Variants in CSNK2A2IP observed in about 807,000 individuals in gnomAD.
CSNK2A2IP encodes casein kinase II subunit alpha'-interacting protein.
At chr3:88,467,502 C>A in the CSNK2A2IP span, 2 of 398,340 alleles carry the variant, frequency 5.0e-6, no homozygotes, top group Admixed American at 8.8e-5. Flanking sequence ...TGAGGAACAA[C>A]AATACAGTAA....
the CSNK2A2IP span, among the ~76,000 whole-genome samples, chr3:88,438,949 C>A: frequency 6.6e-6 from 1 of 152,104 alleles, no homozygotes; most frequent in Non-Finnish European, 1.5e-5. Flanking sequence ...CCAAAGCCAT[C>A]AAATTGTCTT....
the CSNK2A2IP span, among the ~76,000 whole-genome samples, chr3:88,418,463 T>TGCGCGCGC: frequency 0.16 from 24,545 of 149,438 alleles, 2,412 homozygotes; most frequent in East Asian, 0.29. Context: ...TGTGTGTGTG[T>TGCGCGCGC]GCGCGCGGGC....
At chr3:88,428,081 C>T in the CSNK2A2IP span, among the ~76,000 whole-genome samples, 1 of 152,134 alleles carries the variant, frequency 6.6e-6, no homozygotes, top group African/African-American at 2.4e-5. Flanking sequence ...ACTGTGGGAG[C>T]CCATCTTTTG....
chr3:88,403,724 G>T, the CSNK2A2IP span, among the ~76,000 whole-genome samples: 646 of 152,258 alleles, frequency 4.2e-3, 4 homozygotes, highest in African/African-American at 0.014. Context: ...AGGTTAAGGA[G>T]CTCAGGCTTA....
chr3:88,407,649 C>G, the CSNK2A2IP span, among the ~76,000 whole-genome samples: 13 of 152,180 alleles, frequency 8.5e-5, no homozygotes, highest in Middle Eastern at 0.02. Flanking sequence ...CTTTCACAAG[C>G]AAAGCTTTAT....
the CSNK2A2IP span, among the ~76,000 whole-genome samples, chr3:88,373,188 A>G: frequency 2.0e-5 from 3 of 151,436 alleles, no homozygotes; most frequent in African/African-American, 7.3e-5. Context: ...ATTTCTCTTC[A>G]GAAGAACATG....
At chr3:88,394,790 A>G in the CSNK2A2IP span, among the ~76,000 whole-genome samples, 1 of 151,982 alleles carries the variant, frequency 6.6e-6, no homozygotes, top group Non-Finnish European at 1.5e-5. Flanking sequence ...TGATTGGATT[A>G]TTTTCTTATT....
At chr3:88,340,385 A>T in the CSNK2A2IP span, among the ~76,000 whole-genome samples, 2 of 152,018 alleles carry the variant, frequency 1.3e-5, no homozygotes, top group Non-Finnish European at 2.9e-5. Context: ...CCTGTAGTTT[A>T]TGTACACGGT....
At chr3:88,379,922 T>C in the CSNK2A2IP span, among the ~76,000 whole-genome samples, 5 of 152,118 alleles carry the variant, frequency 3.3e-5, no homozygotes, top group African/African-American at 1.2e-4. Context: ...TCCGCAGAAG[T>C]GATTCTCGTC....
the CSNK2A2IP span, among the ~76,000 whole-genome samples, chr3:88,443,634 T>C: frequency 6.6e-6 from 1 of 152,168 alleles, no homozygotes; most frequent in Non-Finnish European, 1.5e-5. Context: ...CAAAAAGGAC[T>C]CTTCTTATCC....
At chr3:88,465,281 C>T in the CSNK2A2IP span, 1 of 845,190 alleles carries the variant, frequency 1.2e-6, no homozygotes, top group African/African-American at 1.8e-5. Context: ...TCCATGGATT[C>T]CCGCTAAAAG....
chr3:88,398,426 T>A, the CSNK2A2IP span, among the ~76,000 whole-genome samples: 6 of 152,106 alleles, frequency 3.9e-5, no homozygotes, highest in African/African-American at 1.4e-4. Flanking sequence ...AGGACCCCAC[T>A]AATATGAACG....
chr3:88,366,255 G>T, the CSNK2A2IP span, among the ~76,000 whole-genome samples: 1,050 of 152,238 alleles, frequency 6.9e-3, 13 homozygotes, highest in African/African-American at 0.024. Context: ...AAATGCTTCA[G>T]AGCACAGGAG....
At chr3:88,400,945 G>A in the CSNK2A2IP span, among the ~76,000 whole-genome samples, 1 of 152,172 alleles carries the variant, frequency 6.6e-6, no homozygotes, top group African/African-American at 2.4e-5. Flanking sequence ...TAAGGAATCA[G>A]TAAGAAATTT....
chr3:88,402,680 C>T, the CSNK2A2IP span, among the ~76,000 whole-genome samples: 5 of 150,530 alleles, frequency 3.3e-5, no homozygotes. Context: ...TGTGTAGACA[C>T]ACACATATAT....
the CSNK2A2IP span, among the ~76,000 whole-genome samples, chr3:88,422,798 C>T: frequency 1.3e-5 from 2 of 152,154 alleles, no homozygotes; most frequent in Non-Finnish European, 2.9e-5. Flanking sequence ...GAATCCTACT[C>T]CCTTTAAAAA....
At chr3:88,423,177 T>C in the CSNK2A2IP span, among the ~76,000 whole-genome samples, 1 of 152,182 alleles carries the variant, frequency 6.6e-6, no homozygotes, top group African/African-American at 2.4e-5. Context: ...GAACTGTTGG[T>C]AAATTTGTGA....
the CSNK2A2IP span, among the ~76,000 whole-genome samples, chr3:88,377,838 T>C: frequency 6.6e-6 from 1 of 151,902 alleles, no homozygotes; most frequent in East Asian, 1.9e-4. Context: ...TCATAAAACC[T>C]GAAAAGACTC....
the CSNK2A2IP span, among the ~76,000 whole-genome samples, chr3:88,428,464 A>G: frequency 6.6e-6 from 1 of 152,092 alleles, no homozygotes; most frequent in African/African-American, 2.4e-5. Flanking sequence ...GTAGAATGAT[A>G]TGCTTTGGCT....
Sources: allele counts gnomAD v4.1 joint callset (sites outside exome capture counted in the v4.1 genomes callset), GRCh38; gene constraint gnomAD v4.1.1; transcripts MANE v1.5; gene names NCBI Gene and HGNC (gene_info 2026-07-23, HGNC 2026-07-21).